Variants in TENM2 observed in about 807,000 individuals in gnomAD.
TENM2 encodes teneurin-2.
A neutral mutation model predicts 245.2 loss-of-function variants in TENM2; 52 were observed. The observed-to-expected ratio is 0.21, with a 90% CI of 0.17 to 0.27. TENM2 has a LOEUF of 0.27. TENM2 is among the 10% of genes least tolerant of loss of function. TENM2 has a pLI of 1.00. For synonymous variants in TENM2, 1,363 were observed against 1,438.9 expected, an observed-to-expected ratio of 0.95 and a Z score of 1.19; for missense variants, 3,046 against 3,666.8, an observed-to-expected ratio of 0.83 and a Z score of 4.37.
At chr5:167,771,117 G>A (rs1039132524) in intron 2 of TENM2, among the ~76,000 whole-genome samples, 4 of 151,998 alleles carry the variant, frequency 2.6e-5, no homozygotes, top group African/African-American at 7.2e-5. Context: ...TACATTATAA[G>A]GCTACTTCAA....
intron 4 of TENM2, among the ~76,000 whole-genome samples, chr5:167,988,598 G>A (rs1407532208): frequency 6.6e-6 from 1 of 152,172 alleles, no homozygotes; most frequent in African/African-American, 2.4e-5. Context: ...AGGCCCGGAG[G>A]CAAGAAGATG....
At chr5:167,840,501 T>C (rs550596292) in intron 2 of TENM2, among the ~76,000 whole-genome samples, 1 of 152,292 alleles carries the variant, frequency 6.6e-6, no homozygotes, top group East Asian at 1.9e-4. Context: ...CTGAATTCGC[T>C]AAGTTCATCC....
At chr5:167,256,634 T>C in the TENM2 span, among the ~76,000 whole-genome samples, 9 of 152,264 alleles carry the variant, frequency 5.9e-5, no homozygotes, top group African/African-American at 2.2e-4. Flanking sequence ...TTATCCAATG[T>C]CCCCATTCCC....
chr5:168,262,116 T>C (rs762785220), exon 29 of TENM2: 6 of 1,613,714 alleles, frequency 3.7e-6, no homozygotes, highest in Non-Finnish European at 4.2e-6. Flanking sequence ...GAAGGACAGG[T>C]CATTACTAAA....
chr5:168,139,174 A>G (rs1372442799), intron 12 of TENM2, among the ~76,000 whole-genome samples: 1 of 152,220 alleles, frequency 6.6e-6, no homozygotes, highest in East Asian at 1.9e-4. Flanking sequence ...TCAAATATCA[A>G]ACTGTATGGA....
At chr5:167,589,011 G>A (rs1444780655) in intron 2 of TENM2, among the ~76,000 whole-genome samples, 1 of 152,128 alleles carries the variant, frequency 6.6e-6, no homozygotes, top group African/African-American at 2.4e-5. Context: ...GACCAGCCTG[G>A]GCAACATGGC....
the TENM2 span, among the ~76,000 whole-genome samples, chr5:167,210,558 G>A: frequency 2.0e-5 from 3 of 150,708 alleles, no homozygotes; most frequent in African/African-American, 4.9e-5. Context: ...CTGCTTCCCG[G>A]GTTCACGCCA....
chr5:167,218,070 C>T, the TENM2 span, among the ~76,000 whole-genome samples: 2 of 152,046 alleles, frequency 1.3e-5, no homozygotes, highest in Non-Finnish European at 2.9e-5. Flanking sequence ...GTAATGCCAA[C>T]TGTTAATCAA....
At chr5:167,225,242 A>T in the TENM2 span, among the ~76,000 whole-genome samples, 1 of 152,006 alleles carries the variant, frequency 6.6e-6, no homozygotes, top group Non-Finnish European at 1.5e-5. Flanking sequence ...GTCTTGGTAC[A>T]GTTCTTAGAG....
At chr5:167,553,945 G>C (rs1253720843) in intron 2 of TENM2, among the ~76,000 whole-genome samples, 1 of 152,212 alleles carries the variant, frequency 6.6e-6, no homozygotes, top group African/African-American at 2.4e-5. Flanking sequence ...AGGAGGGCGA[G>C]ATGGGGGTCT....
chr5:167,429,408 T>A (rs922111080), intron 2 of TENM2, among the ~76,000 whole-genome samples: 2 of 152,166 alleles, frequency 1.3e-5, no homozygotes, highest in Admixed American at 1.3e-4. Context: ...CAGGCCCTGC[T>A]ACAGGTGCTG....
At chr5:167,434,292 G>T (rs1261327795) in intron 2 of TENM2, among the ~76,000 whole-genome samples, 1 of 151,088 alleles carries the variant, frequency 6.6e-6, no homozygotes, top group African/African-American at 2.4e-5. Context: ...ATGGTGGCAG[G>T]TGCCCGTACT....
intron 8 of TENM2, 33 bp downstream of exon 10, chr5:168,090,802 G>T: frequency 6.4e-7 from 1 of 1,571,516 alleles, no homozygotes; most frequent in Non-Finnish European, 8.7e-7. Flanking sequence ...GGTACGCCAT[G>T]AAGGGAAGAT....
chr5:167,241,212 C>T, the TENM2 span, among the ~76,000 whole-genome samples: 1 of 152,080 alleles, frequency 6.6e-6, no homozygotes, highest in Non-Finnish European at 1.5e-5. Context: ...GTACTATATA[C>T]TGGGCACTAG....
intron 2 of TENM2, among the ~76,000 whole-genome samples, chr5:167,435,491 G>A (rs1031303598): frequency 6.6e-6 from 1 of 152,190 alleles, no homozygotes; most frequent in Admixed American, 6.5e-5. Flanking sequence ...CTCCCCAGCA[G>A]TGTGGAACTG....
chr5:167,045,102 T>A, the TENM2 span, among the ~76,000 whole-genome samples: 3 of 152,150 alleles, frequency 2.0e-5, no homozygotes, highest in Admixed American at 1.3e-4. Context: ...ACAGCACAGA[T>A]GCAAGCCTGC....
At chr5:168,156,017 G>A (rs1757132548) in intron 12 of TENM2, among the ~76,000 whole-genome samples, 1 of 151,208 alleles carries the variant, frequency 6.6e-6, no homozygotes, top group African/African-American at 2.4e-5. Context: ...TCTAGACCCT[G>A]AGAATATCTC....
chr5:168,174,597 T>A (rs1759169612), intron 13 of TENM2, among the ~76,000 whole-genome samples: 1 of 152,192 alleles, frequency 6.6e-6, no homozygotes, highest in Non-Finnish European at 1.5e-5. Context: ...AGTGCCCAGA[T>A]GATGCTGTTG....
At chr5:167,408,419 A>C (rs1387478273) in intron 2 of TENM2, among the ~76,000 whole-genome samples, 1 of 152,068 alleles carries the variant, frequency 6.6e-6, no homozygotes, top group Non-Finnish European at 1.5e-5. Flanking sequence ...CTCTTGTTGT[A>C]TTGCTCAAAG....
Sources: allele counts gnomAD v4.1 joint callset (sites outside exome capture counted in the v4.1 genomes callset), GRCh38; gene constraint gnomAD v4.1.1; transcripts MANE v1.5; gene names NCBI Gene and HGNC (gene_info 2026-07-23, HGNC 2026-07-21).